The following WDTC1 variants were observed in gnomAD, a reference collection of about 807,000 sequenced individuals.
The protein encoded by WDTC1 is WD and tetratricopeptide repeats protein 1.
In WDTC1, 12 loss-of-function variants were observed where a neutral mutation model predicts 76.0. That is an observed-to-expected ratio of 0.16 (90% CI 0.10 to 0.26). The LOEUF (loss-of-function observed/expected upper bound fraction) is 0.26, where lower values mean the gene tolerates loss of function less well. Ranked by LOEUF, WDTC1 falls within the 10% of genes least tolerant of loss-of-function variation. The pLI, the probability that WDTC1 is intolerant of heterozygous loss-of-function variation, is 1.00. For synonymous variants in WDTC1, 326 were observed against 350.8 expected (o/e 0.93, Z 0.79); for missense variants, 511 against 908.8 (o/e 0.56, Z 5.63).
intron 5 of WDTC1, 135 bp from the exon 6 acceptor site, chr1:27,287,539 A>G (rs1211186482): frequency 2.0e-6 from 2 of 992,954 alleles, no homozygotes; most frequent in Non-Finnish European, 2.9e-6. Context: ...GGCATGAGCC[A>G]CCGCGCCCAG....
At chr1:27,246,610 G>A (rs1346742110) in intron 1 of WDTC1, among the ~76,000 whole-genome samples, 1 of 151,592 alleles carries the variant, frequency 6.6e-6, no homozygotes, top group African/African-American at 2.4e-5. Context: ...CACTCAGGCT[G>A]GAGTGCAATG....
intron 4 of WDTC1, among the ~76,000 whole-genome samples, chr1:27,282,595 C>T (rs2013218538): frequency 6.6e-6 from 1 of 152,060 alleles, no homozygotes; most frequent in Non-Finnish European, 1.5e-5. Context: ...CTCCGCCTTT[C>T]AGGTTCAAGC....
Position 27,305,364 on chromosome 1 carries a change from G to A in WDTC1, c.1836+171G>A, listed in dbSNP as rs1295956559. Among the ~76,000 whole-genome samples the A allele has an allele frequency of 6.6e-6, 1 of 152,214 alleles. No homozygotes were observed. The highest frequency in any genetic ancestry group is 2.4e-5 in the African/African-American group (1 of 41,448). ...TCAGATTCCAGAAGCTCCAAATGCA[G>A]CAGCAATTCTCCAGAAGCTGTGCAG... On this transcript the variant is annotated intron_variant, in intron 15 of 15. Transcript: ENST00000319394. This position sits in a 1 kb window ranked among gnomAD's most constrained non-coding sequence, Gnocchi z 4.6.
intron 1 of WDTC1, among the ~76,000 whole-genome samples, chr1:27,259,668 A>AT (rs1318134334): frequency 6.6e-6 from 1 of 151,854 alleles, no homozygotes. Flanking sequence ...CAGAAATAGA[A>AT]TTGCTTATTA....
chr1:27,269,621 G>T (rs10902653), intron 3 of WDTC1, among the ~76,000 whole-genome samples: 106,345 of 126,568 alleles, frequency 0.84, 46,216 homozygotes, highest in East Asian at 0.97. Context: ...TTTTTTTTCG[G>T]TTTTTTTTTT....
intron 1 of WDTC1, among the ~76,000 whole-genome samples, chr1:27,242,593 C>T (rs1177105789): frequency 6.6e-6 from 1 of 152,072 alleles, no homozygotes; most frequent in Non-Finnish European, 1.5e-5. Context: ...CCTCAGCCTC[C>T]CGAGTAGCTG....
chr1:27,235,392 TTCTG>T (rs1380691700), intron 1 of WDTC1, among the ~76,000 whole-genome samples: 2 of 119,284 alleles, frequency 1.7e-5, no homozygotes, highest in Admixed American at 9.5e-5. Flanking sequence ...CTCTCTCTCT[TTCTG>T]TGTGTGTGTG....
intron 3 of WDTC1, among the ~76,000 whole-genome samples, chr1:27,279,791 T>A (rs980462930): frequency 1.8e-4 from 28 of 152,314 alleles, no homozygotes; most frequent in African/African-American, 6.0e-4. Flanking sequence ...AGTCTCCAAC[T>A]CCTGGGCTCA....
At chr1:27,282,874 T>C (rs1338563493) in intron 4 of WDTC1, among the ~76,000 whole-genome samples, 2 of 151,476 alleles carry the variant, frequency 1.3e-5, no homozygotes, top group African/African-American at 4.8e-5. Flanking sequence ...GCGTAGTGGC[T>C]CACGCCTGTA....
chr1:27,235,884 G>A (rs768866150), intron 1 of WDTC1, among the ~76,000 whole-genome samples: 2 of 152,162 alleles, frequency 1.3e-5, no homozygotes, highest in South Asian at 2.1e-4. Context: ...TAGGAGCCTG[G>A]TAGGGTGGCT....
In WDTC1 at chr1:27,296,429, T is replaced by C; in HGVS notation, c.949+28T>C. ...AAGTTCTCCCTTAGGGTATCTCTAC[T>C]GCGGCGGTGTAGGGGAGCTTAAGTG... is the stretch of plus-strand genomic sequence containing the variant. On this transcript the variant is annotated intron_variant, in intron 10 of 15. Coordinates refer to ENST00000319394, the MANE Select transcript of WDTC1 (RefSeq NM_001276252.2). The C allele has an allele frequency of 4.3e-6, 7 of 1,612,144 alleles. 1 individual carries two copies. Among genetic ancestry groups the C allele is most frequent in the Non-Finnish European group, 5.9e-6 (7 of 1,178,296 alleles).
chr1:27,288,728 G>C (rs1306730341), intron 6 of WDTC1, among the ~76,000 whole-genome samples: 2 of 151,518 alleles, frequency 1.3e-5, no homozygotes, highest in Non-Finnish European at 3.0e-5. Context: ...AGAACAAAAT[G>C]AAAAGTCTCC....
intron 5 of WDTC1, among the ~76,000 whole-genome samples, chr1:27,287,455 T>C (rs1167181817): frequency 6.6e-6 from 1 of 152,016 alleles, no homozygotes. Context: ...CTGCAGCCTC[T>C]GGCTTCCTGC....
chr1:27,262,177 C>A (rs1365015652), intron 2 of WDTC1, among the ~76,000 whole-genome samples: 3 of 152,036 alleles, frequency 2.0e-5, no homozygotes, highest in African/African-American at 7.2e-5. Context: ...ATCCACCCAC[C>A]TTGTCCTCCC....
chr1:27,281,997 T>C (rs769999487), intron 3 of WDTC1, among the ~76,000 whole-genome samples: 2 of 152,224 alleles, frequency 1.3e-5, no homozygotes, highest in Non-Finnish European at 2.9e-5. Flanking sequence ...CAAAACGGGA[T>C]CAATGAAACT....
chr1:27,304,943 A>G, intron 14 of WDTC1, 58 bp from the exon 15 acceptor site: 1 of 1,536,470 alleles, frequency 6.5e-7, no homozygotes, highest in African/African-American at 1.4e-5. Context: ...TGCAGCCTCT[A>G]CTTGAGGCTG....
At chr1:27,261,125 C>A in intron 2 of WDTC1, 23 bp downstream of exon 2, 1 of 1,613,444 alleles carries the variant, frequency 6.2e-7, no homozygotes, top group Non-Finnish European at 8.5e-7. Context: ...GACTTCTGCA[C>A]CAGATCATGA....
chr1:27,253,673 C>T (rs1486774694), intron 1 of WDTC1, among the ~76,000 whole-genome samples: 1 of 151,936 alleles, frequency 6.6e-6, no homozygotes, highest in Non-Finnish European at 1.5e-5. Flanking sequence ...AAGTTTATCA[C>T]AGTGCCTGGC....
chr1:27,292,455 C>A (rs2013560410), intron 7 of WDTC1, 58 bp downstream of exon 7: 7 of 1,429,630 alleles, frequency 4.9e-6, no homozygotes, highest in Non-Finnish European at 6.5e-6. Context: ...ACCTACTGCC[C>A]CTTTCCCTCA....
Sources: allele counts gnomAD v4.1 joint callset (sites outside exome capture counted in the v4.1 genomes callset), GRCh38; gene constraint gnomAD v4.1.1; non-coding constraint Gnocchi (gnomAD v3.1); transcripts MANE v1.5; gene names NCBI Gene and HGNC (gene_info 2026-07-23, HGNC 2026-07-21).